The following SMARCA1 variants were observed in gnomAD, a reference collection of about 807,000 sequenced individuals.
SMARCA1 encodes SNF2 related chromatin remodeling ATPase 1.
In SMARCA1, 17 loss-of-function variants were observed where a neutral mutation model predicts 93.6. That is an observed-to-expected ratio of 0.18 (90% CI 0.12 to 0.27). The LOEUF (loss-of-function observed/expected upper bound fraction) is 0.27, where lower values mean the gene tolerates loss of function less well. Ranked by LOEUF, SMARCA1 falls within the 10% of genes least tolerant of loss-of-function variation. The pLI is 1.00. For synonymous variants in SMARCA1, 271 were observed against 271.4 expected, an observed-to-expected ratio of 1.00 and a Z score of 0.01; for missense variants, 630 against 819.0, an observed-to-expected ratio of 0.77 and a Z score of 2.82.
chrX:129,478,081 C>T (rs1602676203), intron 19 of SMARCA1, among the ~76,000 whole-genome samples: 1 of 111,925 alleles, frequency 8.9e-6, no homozygotes, highest in Admixed American at 9.5e-5. Flanking sequence ...TCTCTGGAAA[C>T]TCAGCTTAAA....
intron 9 of SMARCA1, among the ~76,000 whole-genome samples, chrX:129,500,987 A>C (rs1234689050): frequency 8.9e-6 from 1 of 112,786 alleles, no homozygotes; most frequent in Non-Finnish European, 1.9e-5. Flanking sequence ...GTTATATCAC[A>C]AGACAATAGT....
chrX:129,456,220 G>A (rs757317898), intron 23 of SMARCA1, among the ~76,000 whole-genome samples: 1 of 111,629 alleles, frequency 9.0e-6, no homozygotes, highest in Non-Finnish European at 1.9e-5. Flanking sequence ...AACAAAGGCT[G>A]GGGTGACAGC....
intron 20 of SMARCA1, among the ~76,000 whole-genome samples, chrX:129,470,532 T>C (rs1933070345): frequency 9.0e-6 from 1 of 111,585 alleles, no homozygotes; most frequent in Non-Finnish European, 1.9e-5. Context: ...CAGGAGACAA[T>C]TCACATCTAT....
chrX:129,512,398 C>G (rs768627141), intron 5 of SMARCA1, among the ~76,000 whole-genome samples: 1 of 111,680 alleles, frequency 9.0e-6, no homozygotes, highest in African/African-American at 3.2e-5. Flanking sequence ...TTGTTCCTAA[C>G]ATTATTACAG....
chrX:129,505,813 G>T (rs1934787278), intron 8 of SMARCA1, among the ~76,000 whole-genome samples: 1 of 110,811 alleles, frequency 9.0e-6, no homozygotes, highest in African/African-American at 3.3e-5. Context: ...GCACTACTAT[G>T]GACTCAGCCT....
intron 16 of SMARCA1, among the ~76,000 whole-genome samples, chrX:129,487,594 TAGTAAAATACACC>T (rs1447976909): frequency 1.3e-4 from 15 of 112,273 alleles, no homozygotes; most frequent in African/African-American, 4.5e-4. Flanking sequence ...GCAACAAACA[TAGTAAAATACACC>T]ATGGAGATGA....
chrX:129,459,248 A>G (rs1217174096), intron 23 of SMARCA1, among the ~76,000 whole-genome samples: 1 of 110,750 alleles, frequency 9.0e-6, no homozygotes, highest in Non-Finnish European at 1.9e-5. Context: ...GTGAAACCTC[A>G]TCTCTACTAA....
chrX:129,523,228 G>T lies in SMARCA1; in HGVS notation c.143C>A (p.Ala48Glu), dbSNP rs376309253. The T allele has an allele frequency of 2.1e-5, 25 of 1,209,397 alleles. No individual in the cohort carries two copies. The highest frequency in any genetic ancestry group is 1.1e-4 in the Admixed American group (5 of 45,942). ...CTTCTTCTCGCCCTTCTCCGTGGCC[G>T]CGGTGGCTTCGGTGGCCGCGGCGGC... ...GAAAAATEAT[A>E]ATEKGEKKKE... is the part of the protein sequence containing the mutation. The change falls in exon 1 of 25, where the codon GCG becomes GAG. Residue 48 changes from alanine to glutamate, a missense_variant. This residue lies in a region of SMARCA1 where 103 missense variants were observed against 82.0 expected (regional missense o/e 1.26). Transcript: ENST00000371121.
chrX:129,512,626 C>T (rs1302097041), intron 5 of SMARCA1, among the ~76,000 whole-genome samples: 4 of 111,780 alleles, frequency 3.6e-5, no homozygotes, highest in Non-Finnish European at 7.5e-5. Flanking sequence ...AGTCCTTTTT[C>T]GGCCTCTTAA....
chrX:129,523,343 C>T lies in SMARCA1; in HGVS notation c.28G>A (p.Ala10Thr), dbSNP rs753626650. Reference protein sequence around the residue: MEQDTAAVAATVAAADATAT... With the variant: MEQDTAAVATTVAAADATAT... ...GTCGCATCCGCGGCTGCCACGGTGG[C>T]TGCCACTGCGGCAGTGTCCTGCTCC... The change falls in exon 1 of 25, where the codon GCC becomes ACC. Residue 10 changes from alanine to threonine, a missense_variant. Coordinates refer to ENST00000371121, the MANE Select transcript of SMARCA1 (RefSeq NM_001282874.2). 10 of 1,194,461 alleles carry T rather than the reference C, an allele frequency of 8.4e-6. No individual in the cohort carries two copies. Among genetic ancestry groups the T allele is most frequent in the Non-Finnish European group, 4.5e-6 (4 of 889,944 alleles).
intron 10 of SMARCA1, among the ~76,000 whole-genome samples, chrX:129,498,381 T>G (rs911370766): frequency 6.2e-5 from 7 of 112,040 alleles, no homozygotes; most frequent in Non-Finnish European, 1.3e-4. Flanking sequence ...CAACATTTAC[T>G]TGTTTGAACT....
chrX:129,486,215 G>T (rs1424589837), intron 17 of SMARCA1, among the ~76,000 whole-genome samples: 2 of 109,451 alleles, frequency 1.8e-5, no homozygotes, highest in Non-Finnish European at 3.8e-5. Flanking sequence ...CAGTTAATTA[G>T]ATAATTAACC....
intron 23 of SMARCA1, among the ~76,000 whole-genome samples, chrX:129,457,478 A>AC (rs1932683834): frequency 8.9e-6 from 1 of 112,296 alleles, no homozygotes; most frequent in East Asian, 2.8e-4. Context: ...TTTGAGCAGG[A>AC]GGAGTGATGT....
At chrX:129,465,772 C>T (rs1261393229) in intron 22 of SMARCA1, 40 bp from the exon 23 acceptor site, 1 of 1,052,834 alleles carries the variant, frequency 9.5e-7, no homozygotes, top group Non-Finnish European at 1.3e-6. Flanking sequence ...ATTGAATGTG[C>T]AGTAAGAAGT....
At chrX:129,471,157 T>A (rs1933101643) in intron 20 of SMARCA1, 47 bp downstream of exon 20, 1 of 1,076,447 alleles carries the variant, frequency 9.3e-7, no homozygotes, top group African/African-American at 1.9e-5. Context: ...ATTTTCTTTT[T>A]TTCTATTGAT....
intron 1 of SMARCA1, among the ~76,000 whole-genome samples, chrX:129,521,619 C>G (rs908745809): frequency 2.7e-5 from 3 of 111,782 alleles, no homozygotes; most frequent in Non-Finnish European, 3.8e-5. Context: ...TTTATACAAT[C>G]TGGAAATTCG....
intron 2 of SMARCA1, among the ~76,000 whole-genome samples, chrX:129,517,622 A>G (rs2124350066): frequency 9.0e-6 from 1 of 111,069 alleles, no homozygotes; most frequent in Admixed American, 9.7e-5. Context: ...ATAGCTATCA[A>G]CAACCAAAAA....
intron 13 of SMARCA1, among the ~76,000 whole-genome samples, 175 bp downstream of exon 13, chrX:129,492,865 A>G (rs1934180860): frequency 9.0e-6 from 1 of 111,489 alleles, no homozygotes; most frequent in African/African-American, 3.3e-5. Flanking sequence ...ATAAATGCAA[A>G]CTAAAACAAC....
At chrX:129,474,873 T>C (rs1390975193) in intron 19 of SMARCA1, among the ~76,000 whole-genome samples, 3 of 110,561 alleles carry the variant, frequency 2.7e-5, no homozygotes, top group Non-Finnish European at 5.7e-5. Flanking sequence ...GTTCTCGTGA[T>C]AGTGAATAAT....
Sources: gnomAD v4.1 joint callset for allele counts (sites outside exome capture counted in the v4.1 genomes callset) on GRCh38, gnomAD v4.1.1 for gene constraint, gnomAD v4.1.1 regional missense constraint, MANE v1.5 for transcripts, NCBI Gene and HGNC (gene_info 2026-07-23, HGNC 2026-07-21) for gene names.